Variants in SPATA13 observed in about 807,000 individuals in gnomAD.
SPATA13 encodes spermatogenesis associated 13.
A neutral mutation model predicts 104.0 loss-of-function variants in SPATA13; 50 were observed. That is an observed-to-expected ratio of 0.48 (90% CI 0.38 to 0.61). SPATA13 has a LOEUF of 0.61. Ranked by LOEUF, SPATA13 falls within the 20% of genes least tolerant of loss-of-function variation. SPATA13 has a pLI of 0.00. For missense variants in SPATA13, 1,524 were observed against 1,690.6 expected, an observed-to-expected ratio of 0.90 and a Z score of 1.73; for synonymous variants, 606 against 667.5, an observed-to-expected ratio of 0.91 and a Z score of 1.42.
At chr13:23,980,889 G>A (rs545532477) in intron 1 of SPATA13, among the ~76,000 whole-genome samples, 1 of 152,196 alleles carries the variant, frequency 6.6e-6, no homozygotes, top group Non-Finnish European at 1.5e-5. Flanking sequence ...ACTGCGCCTG[G>A]CCAACAAAGT....
chr13:24,217,789 G>T (rs1871340097), intron 1 of SPATA13, among the ~76,000 whole-genome samples: 1 of 152,182 alleles, frequency 6.6e-6, no homozygotes, highest in Non-Finnish European at 1.5e-5. Flanking sequence ...GGACCTGGGA[G>T]GGAGGAGCTT....
chr13:24,113,668 C>T (rs992872182), intron 3 of SPATA13, among the ~76,000 whole-genome samples: 1 of 150,296 alleles, frequency 6.7e-6, no homozygotes, highest in African/African-American at 2.5e-5. Context: ...TCAGGAGATC[C>T]AGACCATCCT....
upstream of SPATA13, among the ~76,000 whole-genome samples, chr13:24,157,502 G>T (rs1165571042): frequency 6.6e-6 from 1 of 152,020 alleles, no homozygotes; most frequent in Non-Finnish European, 1.5e-5. Context: ...GGGTTTCACC[G>T]TGTTAGCCAG....
intron 2 of SPATA13, among the ~76,000 whole-genome samples, chr13:24,246,538 C>G (rs78259204): frequency 6.6e-6 from 1 of 152,092 alleles, no homozygotes; most frequent in Admixed American, 6.6e-5. Flanking sequence ...GTGCGTGTCT[C>G]TGTGTGTGAG....
chr13:24,218,744 G>A lies in SPATA13; in HGVS notation c.-111-4075G>A, dbSNP rs141590262. Among the ~76,000 whole-genome samples the A allele has an allele frequency of 7.3e-3, 1,102 of 149,938 alleles. 14 individuals carry two copies. The highest frequency in any genetic ancestry group is 0.025 in the African/African-American group (1,003 of 40,552). On this transcript the variant is annotated intron_variant, in intron 1 of 12. Coordinates refer to ENST00000382108, the MANE Select transcript of SPATA13 (RefSeq NM_001166271.3). ...TGCGATTTTTTTTTTAATCTCATCAGCAGTTGTGTTAGTGTGTTTTATGTG... is the reference window on the plus strand; with the variant it reads ...TGCGATTTTTTTTTTAATCTCATCAACAGTTGTGTTAGTGTGTTTTATGTG...
intron 2 of SPATA13, among the ~76,000 whole-genome samples, chr13:24,001,435 G>A (rs982401155): frequency 6.6e-6 from 1 of 152,060 alleles, no homozygotes; most frequent in Non-Finnish European, 1.5e-5. Context: ...AGAGAGGGTG[G>A]GGTTCGGTGG....
intron 4 of SPATA13, among the ~76,000 whole-genome samples, chr13:24,265,784 G>T (rs565569588): frequency 7.0e-4 from 106 of 152,216 alleles, no homozygotes; most frequent in African/African-American, 2.5e-3. Flanking sequence ...TCTTGGTAAT[G>T]GGGCCATATC....
At position 24,233,886 on chromosome 13, in the gene SPATA13, AACACACACACACAC is replaced by A. The variant is rs10571334; in HGVS notation, c.1653+9333_1653+9346del. Among the ~76,000 whole-genome samples the A allele has an allele frequency of 4.5e-3, 671 of 147,670 alleles. 4 individuals are homozygous for A. Among genetic ancestry groups the A allele is most frequent in the African/African-American group, 0.016 (638 of 40,088 alleles). On this transcript the variant is annotated intron_variant, in intron 2 of 12. Transcript: ENST00000382108. ...CAGGCTACAGAACTTTATACACTTA[AACACACACACACAC>A]ACACACACACACACACACACACACA...
intron 3 of SPATA13, among the ~76,000 whole-genome samples, chr13:24,082,947 T>C (rs1228402967): frequency 6.6e-6 from 1 of 152,206 alleles, no homozygotes; most frequent in Non-Finnish European, 1.5e-5. Context: ...TTTGTAATTT[T>C]ATAAGAGTAG....
intron 7 of SPATA13, among the ~76,000 whole-genome samples, chr13:24,287,370 C>T (rs1344981604): frequency 6.6e-6 from 1 of 152,102 alleles, no homozygotes; most frequent in Non-Finnish European, 1.5e-5. Flanking sequence ...ACTGCGTTGC[C>T]GAGGCTGGTC....
Position 24,286,551 on chromosome 13 carries a change from G to A in SPATA13, c.2481+158G>A, listed in dbSNP as rs1250548717. ...AATTAGGCTGGGTCGGAGCAAAAAT[G>A]TTAAAGGCAGGCAAGCGAGTTGCTC... On this transcript the variant is annotated intron_variant, in intron 6 of 12. Transcript: ENST00000382108. The surrounding 1 kb of genome is among the most constrained non-coding windows in gnomAD (Gnocchi z 4.9). 6.6e-6 allele frequency among the ~76,000 whole-genome samples: 1 copy of A among 152,082 alleles called. No individual in the cohort carries two copies. The highest frequency in any genetic ancestry group is 1.5e-5 in the Non-Finnish European group (1 of 68,016).
chr13:24,006,755 G>A (rs1190670215), intron 2 of SPATA13, among the ~76,000 whole-genome samples: 5 of 152,230 alleles, frequency 3.3e-5, no homozygotes, highest in Non-Finnish European at 5.9e-5. Context: ...ACCGGGACAC[G>A]CAGCCCAAGC....
chr13:24,018,762 A>G (rs1351503405), intron 3 of SPATA13, among the ~76,000 whole-genome samples: 1 of 152,166 alleles, frequency 6.6e-6, no homozygotes, highest in Non-Finnish European at 1.5e-5. Flanking sequence ...GAAATTTTTA[A>G]CTATTCACAT....
At chr13:24,251,513 G>A (rs1274130074) in intron 3 of SPATA13, 1 of 985,314 alleles carries the variant, frequency 1.0e-6, no homozygotes, top group Non-Finnish European at 1.2e-6. Context: ...GCAGGGTGCG[G>A]GCCAGTAAGC....
chr13:24,138,439 A>G (rs1431155638), intron 3 of SPATA13, among the ~76,000 whole-genome samples: 1 of 152,194 alleles, frequency 6.6e-6, no homozygotes, highest in Non-Finnish European at 1.5e-5. Context: ...GCTATTGAAC[A>G]TTGATGTGAT....
intron 1 of SPATA13, among the ~76,000 whole-genome samples, chr13:24,188,651 A>G (rs563684793): frequency 1.3e-5 from 2 of 152,366 alleles, no homozygotes; most frequent in South Asian, 4.1e-4. Context: ...TAGAAGCTGA[A>G]GCAAGTTCTT....
At chr13:23,999,037 C>T (rs918939365) in intron 2 of SPATA13, among the ~76,000 whole-genome samples, 4 of 150,984 alleles carry the variant, frequency 2.6e-5, no homozygotes, top group African/African-American at 4.9e-5. Context: ...GCAATTCTTA[C>T]GCCTCAGCCT....
At chr13:24,141,997 A>G (rs1440742079) in intron 3 of SPATA13, among the ~76,000 whole-genome samples, 1 of 152,132 alleles carries the variant, frequency 6.6e-6, no homozygotes, top group Non-Finnish European at 1.5e-5. Context: ...AGTAGACTGC[A>G]CAGTCTACTT....
chr13:24,058,973 T>C (rs1878673816), intron 3 of SPATA13, among the ~76,000 whole-genome samples: 1 of 151,496 alleles, frequency 6.6e-6, no homozygotes, highest in Non-Finnish European at 1.5e-5. Context: ...GTTTTTTGTT[T>C]TGTTTTGTTT....
Sources: gnomAD v4.1 joint callset for allele counts (sites outside exome capture counted in the v4.1 genomes callset) on GRCh38, gnomAD v4.1.1 for gene constraint, Gnocchi (gnomAD v3.1) non-coding constraint, MANE v1.5 for transcripts, NCBI Gene and HGNC (gene_info 2026-07-23, HGNC 2026-07-21) for gene names.